The following LRP1B variants were observed in gnomAD, a reference collection of about 807,000 sequenced individuals.
The protein encoded by LRP1B is low-density lipoprotein receptor-related protein 1B.
A neutral mutation model predicts 556.6 loss-of-function variants in LRP1B; 217 were observed. The observed-to-expected ratio is 0.39, with a 90% CI of 0.35 to 0.44. The LOEUF (loss-of-function observed/expected upper bound fraction) is 0.44. Among genes scored for constraint, LRP1B ranks in the 20% least tolerant of loss-of-function variants. The probability of loss-of-function intolerance (pLI) is 1.00; values close to 1 mark genes in which losing one functional copy is unlikely to be tolerated. For missense variants in LRP1B, 5,053 were observed against 5,620.8 expected (o/e 0.90, Z 3.23); for synonymous variants, 2,047 against 1,865.8 (o/e 1.10, Z -2.50).
intron 2 of LRP1B, among the ~76,000 whole-genome samples, chr2:141,684,846 A>G (rs1236648984): frequency 6.6e-6 from 1 of 152,070 alleles, no homozygotes; most frequent in African/African-American, 2.4e-5. Flanking sequence ...CAGAGATAGG[A>G]CAGAATGAAA....
At chr2:141,895,328 G>C (rs1208773986) in intron 1 of LRP1B, among the ~76,000 whole-genome samples, 1 of 152,172 alleles carries the variant, frequency 6.6e-6, no homozygotes. Context: ...TTCTCTCAGA[G>C]AAGTGAGACC....
chr2:141,713,156 G>T (rs1692431191), intron 2 of LRP1B, among the ~76,000 whole-genome samples: 1 of 149,766 alleles, frequency 6.7e-6, no homozygotes, highest in South Asian at 2.1e-4. Context: ...CCAAAGTGCT[G>T]GGATTAGGGG....
chr2:140,927,773 C>A (rs963981311), intron 20 of LRP1B, among the ~76,000 whole-genome samples: 1 of 139,526 alleles, frequency 7.2e-6, no homozygotes, highest in Non-Finnish European at 1.5e-5. Context: ...ATAGTGCAAT[C>A]TTGGCTCACT....
intron 1 of LRP1B, among the ~76,000 whole-genome samples, chr2:141,885,060 G>A (rs557692936): frequency 6.6e-6 from 1 of 152,272 alleles, no homozygotes; most frequent in Non-Finnish European, 1.5e-5. Flanking sequence ...ATTGTTATGT[G>A]CTTATGAATT....
chr2:142,026,008 G>C (rs1342918722), intron 1 of LRP1B, among the ~76,000 whole-genome samples: 1 of 152,030 alleles, frequency 6.6e-6, no homozygotes, highest in African/African-American at 2.4e-5. Context: ...ATGGTAAGAA[G>C]AGCCAAAGAG....
At position 141,339,499 on chromosome 2, in the gene LRP1B, T is replaced by C. The variant is rs140234546; in HGVS notation, c.344-84858A>G. Among the ~76,000 whole-genome samples the C allele has an allele frequency of 2.6e-3, 391 of 152,272 alleles. 1 individual carries two copies. Among genetic ancestry groups the C allele is most frequent in the African/African-American group, 8.9e-3 (371 of 41,558 alleles). ...TGCCAGTCAGCAAGTTAAACATCCC[T>C]CATTACCTCAGTTTTCTCATCTGAA... On this transcript the variant is annotated intron_variant, in intron 3 of 90. Transcript: ENST00000389484.
At chr2:142,027,673 A>AAT (rs5834893) in intron 1 of LRP1B, among the ~76,000 whole-genome samples, 3 of 146,756 alleles carry the variant, frequency 2.0e-5, no homozygotes, top group Non-Finnish European at 4.5e-5. Flanking sequence ...AAAAGATTAA[A>AAT]ACACACACAC....
At chr2:141,000,587 C>T (rs1697389273) in intron 15 of LRP1B, among the ~76,000 whole-genome samples, 2 of 151,846 alleles carry the variant, frequency 1.3e-5, no homozygotes, top group Admixed American at 6.6e-5. Context: ...CCCCAGTGAG[C>T]CTTTCTTCCT....
intron 49 of LRP1B, among the ~76,000 whole-genome samples, chr2:140,525,626 C>T (rs968276218): frequency 4.0e-5 from 6 of 151,822 alleles, no homozygotes; most frequent in African/African-American, 1.5e-4. Flanking sequence ...AAAAATTGAT[C>T]CAAGTTTAGG....
chr2:142,099,461 T>C (rs1706496512), intron 1 of LRP1B, among the ~76,000 whole-genome samples: 1 of 151,970 alleles, frequency 6.6e-6, no homozygotes, highest in Non-Finnish European at 1.5e-5. Context: ...ATTTTCCACT[T>C]AAATTTCAAA....
intron 3 of LRP1B, among the ~76,000 whole-genome samples, chr2:141,362,364 C>T (rs1688855945): frequency 6.6e-6 from 1 of 152,134 alleles, no homozygotes; most frequent in Non-Finnish European, 1.5e-5. Flanking sequence ...ACGGTCTTAA[C>T]AGGTGCATGG....
chr2:141,735,799 G>A lies in LRP1B; in HGVS notation c.205+74480C>T, dbSNP rs116191858. Among the ~76,000 whole-genome samples, 1,094 of 152,188 alleles carry A rather than the reference G, an allele frequency of 7.2e-3. 12 individuals are homozygous for A. The highest frequency in any genetic ancestry group is 0.025 in the African/African-American group (1,053 of 41,526). On this transcript the variant is annotated intron_variant, in intron 2 of 90. Transcript: ENST00000389484. ...GAATTTTAGAAACCTAGCAAGAGCA[G>A]CATGTCAGCTTGATCTAGACTTAGC...
intron 3 of LRP1B, among the ~76,000 whole-genome samples, chr2:141,271,781 A>AC (rs1353153816): frequency 6.6e-6 from 1 of 151,642 alleles, no homozygotes; most frequent in East Asian, 1.9e-4. Flanking sequence ...GAAAAAAAAA[A>AC]AAACCCAGGA....
At chr2:140,594,790 G>A (rs1411134891) in intron 43 of LRP1B, among the ~76,000 whole-genome samples, 1 of 151,978 alleles carries the variant, frequency 6.6e-6, no homozygotes, top group East Asian at 1.9e-4. Flanking sequence ...GTTCCCTTCT[G>A]TAACTGTCAC....
intron 1 of LRP1B, among the ~76,000 whole-genome samples, chr2:141,835,296 G>A (rs948242549): frequency 6.6e-6 from 1 of 151,944 alleles, no homozygotes; most frequent in African/African-American, 2.4e-5. Context: ...GAGTCAGCCA[G>A]GCAGTAAACA....
chr2:141,229,745 A>G (rs573505170), intron 5 of LRP1B, among the ~76,000 whole-genome samples: 3 of 152,310 alleles, frequency 2.0e-5, no homozygotes, highest in East Asian at 3.9e-4. Context: ...TTGTTTTTCT[A>G]GAAATGATGA....
chr2:141,464,558 G>A (rs1373977495), intron 3 of LRP1B, among the ~76,000 whole-genome samples: 2 of 141,370 alleles, frequency 1.4e-5, no homozygotes, highest in African/African-American at 5.3e-5. Context: ...GACTACAGTC[G>A]CCCGCCACCA....
chr2:141,243,476 C>T (rs985314561), intron 5 of LRP1B, among the ~76,000 whole-genome samples: 3 of 152,094 alleles, frequency 2.0e-5, no homozygotes, highest in Non-Finnish European at 4.4e-5. Flanking sequence ...TGTGAGACTA[C>T]ATCTCTTAAA....
At chr2:141,078,676 C>T (rs146643586) in intron 7 of LRP1B, among the ~76,000 whole-genome samples, 1 of 152,240 alleles carries the variant, frequency 6.6e-6, no homozygotes, top group African/African-American at 2.4e-5. Flanking sequence ...TTCTCCTTCT[C>T]CTTGCTCATA....
Sources: gnomAD v4.1 joint callset for allele counts (sites outside exome capture counted in the v4.1 genomes callset) on GRCh38, gnomAD v4.1.1 for gene constraint, MANE v1.5 for transcripts, NCBI Gene and HGNC (gene_info 2026-07-23, HGNC 2026-07-21) for gene names.